Variants in BSN observed in about 807,000 individuals in gnomAD.
BSN encodes protein bassoon.
A neutral mutation model predicts 264.8 loss-of-function variants in BSN; 57 were observed. The ratio of observed to expected loss-of-function variants is 0.22; its 90% confidence interval spans 0.17 to 0.27. The LOEUF (loss-of-function observed/expected upper bound fraction) is 0.27. BSN is among the 10% of genes least tolerant of loss of function. The probability of loss-of-function intolerance (pLI) is 1.00; values close to 1 mark genes in which losing one functional copy is unlikely to be tolerated. For missense variants in BSN, 4,615 were observed against 5,232.5 expected (o/e 0.88, Z 3.64); for synonymous variants, 2,059 against 2,137.3 (o/e 0.96, Z 1.01).
intron 3 of BSN, among the ~76,000 whole-genome samples, chr3:49,645,769 G>A (rs994090889): frequency 6.6e-6 from 1 of 152,188 alleles, no homozygotes; most frequent in Non-Finnish European, 1.5e-5. Context: ...GTGTGTTCTT[G>A]GTTAGAGGTT....
At chr3:49,580,491 G>A (rs557123660) in intron 1 of BSN, among the ~76,000 whole-genome samples, 1 of 151,848 alleles carries the variant, frequency 6.6e-6, no homozygotes, top group Non-Finnish European at 1.5e-5. Flanking sequence ...GAGTGCAGTG[G>A]TGCGATCATG....
At chr3:49,639,773 T>A (rs190715325) in intron 2 of BSN, among the ~76,000 whole-genome samples, 83 of 152,346 alleles carry the variant, frequency 5.4e-4, no homozygotes, top group Admixed American at 5.4e-3. Context: ...CAGCAACACT[T>A]CCTAGCCAGG....
rs953390800 is a variant in BSN at position 49,654,330 on chromosome 3, C to T, written c.4774C>T (p.His1592Tyr). The change falls in exon 5 of 12, where the codon CAT (histidine) becomes TAT (tyrosine). Residue 1592 changes from histidine (H) to tyrosine (Y), a missense_variant. Physicochemically the swap from His to Tyr is moderately conservative, Grantham distance 83. This residue lies in a region of BSN where 3,415 missense variants were observed against 3,866.4 expected (regional missense o/e 0.88). Transcript: ENST00000296452. This position sits in a 1 kb window ranked among gnomAD's most constrained non-coding sequence, Gnocchi z 4.1. ...ACCTACTGAAACCCAGCCCACCACC[C>T]ATGGCTACAGCCAGACAACACCTCC... ...CSPTETQPTT[H>Y]GYSQTTPPSV... 4 of 1,613,550 alleles carry T rather than the reference C, an allele frequency of 2.5e-6. No individual in the cohort carries two copies. The highest frequency in any genetic ancestry group is 3.4e-6 in the Non-Finnish European group (4 of 1,179,874).
chr3:49,590,267 A>G (rs1195824573), intron 1 of BSN, among the ~76,000 whole-genome samples: 2 of 151,986 alleles, frequency 1.3e-5, no homozygotes, highest in Non-Finnish European at 2.9e-5. Context: ...ATTTCAACCT[A>G]TTTGTTTCTT....
chr3:49,649,394 C>T (rs868787918), intron 3 of BSN, among the ~76,000 whole-genome samples: 55 of 152,200 alleles, frequency 3.6e-4, no homozygotes, highest in Admixed American at 1.8e-3. Context: ...TAAGGCTCTG[C>T]GCCACAGAGT....
At chr3:49,612,531 T>C (rs528701383) in intron 1 of BSN, among the ~76,000 whole-genome samples, 7 of 152,314 alleles carry the variant, frequency 4.6e-5, no homozygotes, top group Admixed American at 1.3e-4. Context: ...AAACAAATTA[T>C]GATCTATTGG....
intron 1 of BSN, among the ~76,000 whole-genome samples, chr3:49,576,310 TGTC>T (rs1414306737): frequency 6.6e-6 from 1 of 152,194 alleles, no homozygotes; most frequent in African/African-American, 2.4e-5. Flanking sequence ...TCCAGGCTCT[TGTC>T]TCCCTTTCTG....
Position 49,655,149 on chromosome 3 carries a change from G to C in BSN, c.5593G>C (p.Val1865Leu). Reference protein sequence around the residue: ...PGARKPHTVVVQMGEGTAGTV... With the variant: ...PGARKPHTVVLQMGEGTAGTV... ...TGCCAGGAAGCCACACACAGTGGTG[G>C]TGCAGATGGGAGAGGGCACAGCAGG... Residue 1865 changes from valine (V) to leucine (L), a missense_variant, in exon 5 of 12, where the codon GTG becomes CTG. Val to Leu is a conservative substitution (Grantham distance 32). Around this residue, in one of 3 missense-constraint regions of BSN, gnomAD observed 3,415 missense variants for 3,866.4 expected, o/e 0.88. Coordinates refer to ENST00000296452, the MANE Select transcript of BSN (RefSeq NM_003458.4). The C allele has an allele frequency of 6.2e-7, 1 of 1,612,676 alleles. No homozygotes were observed. The highest frequency in any genetic ancestry group is 8.5e-7 in the Non-Finnish European group (1 of 1,179,794).
Position 49,661,050 on chromosome 3 carries a change from G to A in BSN, c.9205G>A (p.Gly3069Arg). ...CCCACAGTATTCTGCAGGCAGTGGT[G>A]GGCCAACTCAGAACGGATTCCCAGC... ...PAPQYSAGSG[G>R]PTQNGFPAHQ... The change falls in exon 6 of 12, where the codon GGG becomes AGG. Residue 3069 changes from glycine (G) to arginine (R), a missense_variant. Gly to Arg is a moderately radical substitution (Grantham distance 125). Coordinates refer to ENST00000296452, the MANE Select transcript of BSN (RefSeq NM_003458.4). 1 of 1,611,554 alleles carries A rather than the reference G, an allele frequency of 6.2e-7. No individual in the cohort carries two copies.
In BSN at chr3:49,653,788, C is replaced by T. The variant is rs1250992206; in HGVS notation, c.4232C>T (p.Ser1411Leu). The T allele has an allele frequency of 1.9e-6, 3 of 1,614,144 alleles. No homozygotes were observed. The highest frequency in any genetic ancestry group is 1.1e-5 in the South Asian group (1 of 91,084). Residue 1411 changes from serine to leucine, a missense_variant, in exon 5 of 12, where the codon TCA becomes TTA. Ser to Leu is a moderately radical substitution (Grantham distance 145). Coordinates refer to ENST00000296452, the MANE Select transcript of BSN (RefSeq NM_003458.4). The surrounding 1 kb of genome is among the most constrained non-coding windows in gnomAD (Gnocchi z 6.3). The stretch of plus-strand genomic sequence containing the variant: ...CCAGCAGGCTCCGAGCGTAGTCCTT[C>T]ACCATCTTCCACAGCCCACAGCTAT... ...ASPAGSERSP[S>L]PSSTAHSYGH... is the part of the protein sequence containing the mutation.
Position 49,662,009 on chromosome 3 carries a change from C to T in BSN, c.10164C>T (p.Tyr3388=), listed in dbSNP as rs2052661658. Residue 3388 remains tyrosine (Y), a synonymous_variant, in exon 6 of 12, where the codon TAC becomes TAT. Transcript: ENST00000296452. ...AKDVESDLAS[Y]PPPAVSSSLV... ...ACGTAGAGTCAGACCTGGCGTCCTACCCCCCACCTGCAGTCAGCAGCAGCC... is the reference window on the plus strand; with the variant it reads ...ACGTAGAGTCAGACCTGGCGTCCTATCCCCCACCTGCAGTCAGCAGCAGCC... 1.2e-6 allele frequency: 2 copies of T among 1,613,840 alleles called. No homozygotes were observed. The highest frequency in any genetic ancestry group is 2.2e-5 in the East Asian group (1 of 44,884).
chr3:49,662,001 G>A lies in BSN; in HGVS notation c.10156G>A (p.Ala3386Thr), dbSNP rs748665495. The change falls in exon 6 of 12, where the codon GCG becomes ACG. Residue 3386 changes from alanine to threonine, a missense_variant. By Grantham distance (58) the Ala-to-Thr change is moderately conservative. Transcript: ENST00000296452. ...GGCCAAAGACGTAGAGTCAGACCTG[G>A]CGTCCTACCCCCCACCTGCAGTCAG... is the stretch of plus-strand genomic sequence containing the variant. ...EEAKDVESDL[A>T]SYPPPAVSSS... The A allele has an allele frequency of 1.3e-5, 21 of 1,613,772 alleles. No individual in the cohort carries two copies. The highest frequency in any genetic ancestry group is 1.6e-5 in the Non-Finnish European group (19 of 1,180,040).
intron 1 of BSN, among the ~76,000 whole-genome samples, chr3:49,607,375 G>A (rs1033415141): frequency 5.3e-5 from 8 of 152,212 alleles, no homozygotes; most frequent in African/African-American, 1.9e-4. Context: ...TCTGGCCCAG[G>A]CATTCTGGGT....
chr3:49,565,917 G>T (rs564743264), intron 1 of BSN, among the ~76,000 whole-genome samples: 1 of 152,208 alleles, frequency 6.6e-6, no homozygotes, highest in East Asian at 1.9e-4. Flanking sequence ...CACCTCACGG[G>T]TTCAAGCAAT....
At chr3:49,672,638 G>C (rs1297767203), downstream of BSN, among the ~76,000 whole-genome samples, 1 of 151,522 alleles carries the variant, frequency 6.6e-6, no homozygotes, top group South Asian at 2.1e-4. Flanking sequence ...GTGCCACCCA[G>C]CCCGGCTAAT....
intron 1 of BSN, among the ~76,000 whole-genome samples, chr3:49,607,853 C>T (rs144258061): frequency 4.4e-4 from 67 of 152,318 alleles, no homozygotes; most frequent in Middle Eastern, 3.4e-3. Context: ...GGCCTCTTCT[C>T]GTCAAGGGTG....
In BSN at chr3:49,656,667, C is replaced by G. The variant is rs1324854653; in HGVS notation, c.7111C>G (p.Gln2371Glu). The G allele has an allele frequency of 6.2e-7, 1 of 1,604,270 alleles. No homozygotes were observed. Among genetic ancestry groups the G allele is most frequent in the South Asian group, 1.1e-5 (1 of 89,920 alleles). The change falls in exon 5 of 12, where the codon CAG becomes GAG. Residue 2371 changes from glutamine (Q) to glutamate (E), a missense_variant. This residue lies in a region of BSN where 3,415 missense variants were observed against 3,866.4 expected (regional missense o/e 0.88). Transcript: ENST00000296452. ...QEERQRKQQE[Q>E]LLQLERERVE... is the part of the protein sequence containing the mutation. ...GGAGAGGCAGCGGAAGCAACAGGAGCAGCTGCTCCAGCTAGAGCGGGAGCG... is the reference window on the plus strand; with the variant it reads ...GGAGAGGCAGCGGAAGCAACAGGAGGAGCTGCTCCAGCTAGAGCGGGAGCG...
At chr3:49,619,006 C>G (rs2052282653) in intron 1 of BSN, among the ~76,000 whole-genome samples, 1 of 152,064 alleles carries the variant, frequency 6.6e-6, no homozygotes, top group African/African-American at 2.4e-5. Context: ...ACCTGTGGAC[C>G]CACCTTCCAT....
rs771093723 is a variant in BSN, at chr3:49,653,238, G to A, written c.3682G>A (p.Glu1228Lys). ...AGGCCCCCGGGGCCTGGGCTCCTTC[G>A]AATATCAAGACACTACAGACCGTGA... ...PTGPRGLGSF[E>K]YQDTTDREYG... The change falls in exon 5 of 12, where the codon GAA becomes AAA. Residue 1228 changes from glutamate to lysine, a missense_variant. Coordinates refer to ENST00000296452, the MANE Select transcript of BSN (RefSeq NM_003458.4). This position sits in a 1 kb window ranked among gnomAD's most constrained non-coding sequence, Gnocchi z 6.3. The A allele has an allele frequency of 9.8e-5, 158 of 1,612,346 alleles. No individual in the cohort carries two copies. Among genetic ancestry groups the A allele is most frequent in the Non-Finnish European group, 1.3e-4 (151 of 1,179,832 alleles).
Sources: allele counts gnomAD v4.1 joint callset (sites outside exome capture counted in the v4.1 genomes callset), GRCh38; gene constraint gnomAD v4.1.1; regional missense constraint gnomAD v4.1.1; non-coding constraint Gnocchi (gnomAD v3.1); transcripts MANE v1.5; gene names NCBI Gene and HGNC (gene_info 2026-07-23, HGNC 2026-07-21).